The following DIPK1A variants were observed in gnomAD, a reference collection of about 807,000 sequenced individuals.
The protein encoded by DIPK1A is divergent protein kinase domain 1A.
Under a neutral mutation model 40.8 loss-of-function variants are expected in DIPK1A, and 27 were observed. The observed-to-expected ratio is 0.66, with a 90% confidence interval of 0.49 to 0.91. The LOEUF is 0.91. Ranked by LOEUF, DIPK1A falls within the 40% of genes least tolerant of loss-of-function variation. DIPK1A has a pLI of 0.00. For synonymous variants in DIPK1A, 166 were observed against 171.3 expected (o/e 0.97, Z 0.24); for missense variants, 412 against 505.7 (o/e 0.81, Z 1.78).
At position 92,866,611 on chromosome 1, in the gene DIPK1A, A is replaced by G. The variant is rs148102603; in HGVS notation, c.189+9685T>C. On this transcript the variant is annotated intron_variant, in intron 2 of 4. Coordinates refer to ENST00000370310, the MANE Select transcript of DIPK1A (RefSeq NM_001006605.5). ...GCCATAGCCCCCAGTTATCAAAACA[A>G]ACAATCTAGGTGTTGCTGTGAGGGT... Among the ~76,000 whole-genome samples the G allele has an allele frequency of 3.4e-3, 518 of 152,348 alleles. 2 individuals are homozygous for G. The highest frequency in any genetic ancestry group is 0.012 in the African/African-American group (489 of 41,578).
At chr1:92,942,947 G>C (rs1239962666) in intron 1 of DIPK1A, among the ~76,000 whole-genome samples, 1 of 152,242 alleles carries the variant, frequency 6.6e-6, no homozygotes, top group Non-Finnish European at 1.5e-5. Flanking sequence ...ACAGGCCTGG[G>C]CCACTGCGCC....
chr1:92,833,843 T>C, intron 4 of DIPK1A: 1 of 604,544 alleles, frequency 1.7e-6, no homozygotes, highest in South Asian at 2.0e-5. Flanking sequence ...AAAAATGCTC[T>C]TGGTTGCGCT....
At chr1:92,886,839 C>G (rs1466459888) in intron 1 of DIPK1A, among the ~76,000 whole-genome samples, 2 of 149,608 alleles carry the variant, frequency 1.3e-5, no homozygotes, top group Non-Finnish European at 2.9e-5. Context: ...ATAAATATAG[C>G]TTATTGGAAC....
chr1:92,911,616 C>T (rs1649827947), intron 1 of DIPK1A, among the ~76,000 whole-genome samples: 1 of 152,104 alleles, frequency 6.6e-6, no homozygotes, highest in Non-Finnish European at 1.5e-5. Context: ...ACAAATTAAG[C>T]TACTATGCAT....
chr1:92,887,449 A>G (rs78726529), intron 1 of DIPK1A, among the ~76,000 whole-genome samples: 3,247 of 151,960 alleles, frequency 0.021, 88 homozygotes, highest in African/African-American at 0.059. Context: ...AAGAAAAGGA[A>G]AGAAAAAGAA....
intron 1 of DIPK1A, among the ~76,000 whole-genome samples, chr1:92,902,869 G>C (rs943741852): frequency 6.6e-6 from 1 of 152,128 alleles, no homozygotes; most frequent in Non-Finnish European, 1.5e-5. Flanking sequence ...TTTAGCTATT[G>C]TTTTGGTTCT....
chr1:92,919,867 A>G (rs1423322922), intron 1 of DIPK1A, among the ~76,000 whole-genome samples: 3 of 152,264 alleles, frequency 2.0e-5, no homozygotes, highest in Non-Finnish European at 4.4e-5. Flanking sequence ...TTGATTTGAC[A>G]TCAATCTTAA....
chr1:92,897,996 G>A (rs1042981029), intron 1 of DIPK1A, among the ~76,000 whole-genome samples: 4 of 152,086 alleles, frequency 2.6e-5, no homozygotes, highest in Non-Finnish European at 5.9e-5. Context: ...CTACTTGGGA[G>A]GCTGAGGCAG....
At chr1:92,958,556 C>A (rs572756381) in intron 1 of DIPK1A, among the ~76,000 whole-genome samples, 126 of 152,306 alleles carry the variant, frequency 8.3e-4, no homozygotes, top group Middle Eastern at 3.4e-3. Flanking sequence ...TCCCCTCCCC[C>A]CAAACAGAAC....
chr1:92,922,287 C>T (rs1394710944), intron 1 of DIPK1A, among the ~76,000 whole-genome samples: 1 of 150,490 alleles, frequency 6.6e-6, no homozygotes, highest in African/African-American at 2.4e-5. Context: ...AATTTTTTAA[C>T]ATTTGAAATA....
chr1:92,935,115 A>C (rs1325611699), intron 1 of DIPK1A, among the ~76,000 whole-genome samples: 1 of 152,194 alleles, frequency 6.6e-6, no homozygotes, highest in Non-Finnish European at 1.5e-5. Flanking sequence ...AAGGTGGGTC[A>C]TTTGCTCAGA....
At chr1:92,896,193 C>A (rs1346514211) in intron 1 of DIPK1A, among the ~76,000 whole-genome samples, 2 of 152,120 alleles carry the variant, frequency 1.3e-5, no homozygotes. Context: ...GCCCGCATTG[C>A]CAAGTCAATC....
At chr1:92,875,507 A>T (rs1461142372) in intron 2 of DIPK1A, among the ~76,000 whole-genome samples, 1 of 152,150 alleles carries the variant, frequency 6.6e-6, no homozygotes, top group Non-Finnish European at 1.5e-5. Flanking sequence ...ACTTGAGGCT[A>T]GGAGTTCAAG....
In DIPK1A at chr1:92,842,807, A is replaced by G; in HGVS notation, c.*576T>C. ...AGATTTCTTGAAGTAAGCCACTTGA[A>G]CCATTGTGAAGCTACACATAACTTG... is the stretch of plus-strand genomic sequence containing the variant. On this transcript the variant is annotated 3_prime_UTR_variant, in exon 5 of 5. Coordinates refer to ENST00000370310, the MANE Select transcript of DIPK1A (RefSeq NM_001006605.5). 5 of 985,444 alleles carry G rather than the reference A, an allele frequency of 5.1e-6. No individual in the cohort carries two copies. Among genetic ancestry groups the G allele is most frequent in the Non-Finnish European group, 6.0e-6 (5 of 829,946 alleles). 61.0% of individuals were successfully genotyped at this position (985,444 alleles called of 1,614,324 possible).
intron 1 of DIPK1A, among the ~76,000 whole-genome samples, chr1:92,889,680 C>T (rs1160250062): frequency 6.6e-6 from 1 of 151,854 alleles, no homozygotes; most frequent in Non-Finnish European, 1.5e-5. Flanking sequence ...CAGGGTATCA[C>T]TCTGTCACAC....
chr1:92,901,210 C>T (rs1162485756), intron 1 of DIPK1A, among the ~76,000 whole-genome samples: 1 of 151,858 alleles, frequency 6.6e-6, no homozygotes, highest in African/African-American at 2.4e-5. Flanking sequence ...TCTTATTTTC[C>T]CCAGAATGGG....
At chr1:92,833,530 A>G in intron 4 of DIPK1A, 1 of 1,612,612 alleles carries the variant, frequency 6.2e-7, no homozygotes, top group South Asian at 1.1e-5. Flanking sequence ...TTCTACAATT[A>G]TTTTTTTCTT....
intron 1 of DIPK1A, among the ~76,000 whole-genome samples, chr1:92,912,958 G>C (rs1281063211): frequency 6.6e-6 from 1 of 151,960 alleles, no homozygotes; most frequent in Non-Finnish European, 1.5e-5. Context: ...AAAAAAATTA[G>C]CTAGGCATGG....
At chr1:92,855,410 A>C (rs1463132933) in intron 2 of DIPK1A, among the ~76,000 whole-genome samples, 1 of 152,066 alleles carries the variant, frequency 6.6e-6, no homozygotes, top group East Asian at 1.9e-4. Flanking sequence ...AACAAAAAAA[A>C]CCCAACAGAC....
Sources: allele counts gnomAD v4.1 joint callset (sites outside exome capture counted in the v4.1 genomes callset), GRCh38; gene constraint gnomAD v4.1.1; transcripts MANE v1.5; gene names NCBI Gene and HGNC (gene_info 2026-07-23, HGNC 2026-07-21).